The following MYT1L variants were observed in gnomAD, a reference collection of about 807,000 sequenced individuals.
MYT1L encodes myelin transcription factor 1 like.
MYT1L carries 12 observed loss-of-function variants against 126.7 expected under a neutral mutation model. The observed-to-expected ratio is 0.09, with a 90% CI of 0.06 to 0.15. The LOEUF is 0.15. Ranked by LOEUF, MYT1L falls within the 10% of genes least tolerant of loss-of-function variation. MYT1L has a pLI of 1.00. For synonymous variants in MYT1L, 541 were observed against 604.2 expected (o/e 0.90, Z 1.53); for missense variants, 979 against 1,585.2 (o/e 0.62, Z 6.49).
intron 10 of MYT1L, among the ~76,000 whole-genome samples, chr2:1,921,487 G>A (rs1284819831): frequency 3.3e-5 from 5 of 152,086 alleles, no homozygotes; most frequent in African/African-American, 1.2e-4. Flanking sequence ...ATTGACATAT[G>A]CAAACATGTG....
chr2:1,882,759 C>G (rs1161866155), intron 18 of MYT1L, among the ~76,000 whole-genome samples: 1 of 152,188 alleles, frequency 6.6e-6, no homozygotes. Flanking sequence ...ACATCTCCCT[C>G]CAGGAGAGCC....
rs2092203568 is a variant in MYT1L, at chr2:2,186,401, A to T, written c.-420-13413T>A. Among the ~76,000 whole-genome samples, 5 of 152,316 alleles carry T rather than the reference A, an allele frequency of 3.3e-5. No individual in the cohort carries two copies. In the South Asian group the frequency reaches 1.0e-3, roughly 32 times the overall value. ...GGTTAACTGTAGTCCCGCACTGTTA[A>T]TGTTTTTCGTTTTTTGAAGCCAAGA... On this transcript the variant is annotated intron_variant, in intron 2 of 24. Transcript: ENST00000647738.
intron 2 of MYT1L, among the ~76,000 whole-genome samples, chr2:2,178,253 C>T (rs926482115): frequency 6.6e-6 from 1 of 151,750 alleles, no homozygotes; most frequent in Admixed American, 6.6e-5. Flanking sequence ...ATTTACACTC[C>T]CAAAGTCACG....
rs138442872 is a variant in MYT1L, at chr2:2,016,531, G to T, written c.-157-19184C>A. ...AGCCAGACAATTCCTCAGAGGTCCA[G>T]GATTCTGTAGAAATAACCAGGAATC... On this transcript the variant is annotated intron_variant, in intron 4 of 24. Transcript: ENST00000647738. Among the ~76,000 whole-genome samples, 974 of 152,306 alleles carry T rather than the reference G, an allele frequency of 6.4e-3. 13 individuals carry two copies. The highest frequency in any genetic ancestry group is 0.022 in the African/African-American group (916 of 41,552).
chr2:2,175,016 C>T (rs1302405346), intron 2 of MYT1L, among the ~76,000 whole-genome samples: 1 of 152,110 alleles, frequency 6.6e-6, no homozygotes, highest in East Asian at 1.9e-4. Context: ...GTGTGGTGCT[C>T]TCCTTGTGAG....
chr2:1,934,107 T>C (rs1375666313), intron 9 of MYT1L, among the ~76,000 whole-genome samples: 1 of 150,850 alleles, frequency 6.6e-6, no homozygotes, highest in East Asian at 2.0e-4. Context: ...CTGGAGTAGC[T>C]GGGACTACAG....
At chr2:1,822,277 AGTGGGT>A (rs1421925008) in intron 21 of MYT1L, among the ~76,000 whole-genome samples, 10 of 152,038 alleles carry the variant, frequency 6.6e-5, no homozygotes. Flanking sequence ...ATAAGAGGAG[AGTGGGT>A]CATTTTAGTA....
At chr2:2,090,082 T>C (rs1187708582) in intron 3 of MYT1L, among the ~76,000 whole-genome samples, 1 of 152,198 alleles carries the variant, frequency 6.6e-6, no homozygotes, top group Non-Finnish European at 1.5e-5. Context: ...CCATTATTCA[T>C]GGGAGTCACA....
intron 8 of MYT1L, among the ~76,000 whole-genome samples, chr2:1,973,634 A>T (rs751231829): frequency 6.6e-6 from 1 of 152,242 alleles, no homozygotes; most frequent in Non-Finnish European, 1.5e-5. Context: ...TTTAGCAGGT[A>T]CTTGAGCCCC....
At chr2:2,165,101 G>A (rs1394384621) in intron 3 of MYT1L, among the ~76,000 whole-genome samples, 3 of 152,208 alleles carry the variant, frequency 2.0e-5, no homozygotes, top group African/African-American at 7.2e-5. Flanking sequence ...AGGGGCACCA[G>A]AAGTGGAGCT....
intron 2 of MYT1L, among the ~76,000 whole-genome samples, chr2:2,233,483 C>T (rs899968076): frequency 6.6e-6 from 1 of 152,168 alleles, no homozygotes; most frequent in African/African-American, 2.4e-5. Context: ...GCTCTGGCTC[C>T]TGAGGGGTCT....
intron 23 of MYT1L, among the ~76,000 whole-genome samples, chr2:1,794,774 G>T (rs569997734): frequency 6.6e-6 from 1 of 152,302 alleles, no homozygotes. Context: ...GGGTGGCGGG[G>T]CTCCCATGCT....
At chr2:2,311,421 G>A (rs1278245757) in intron 1 of MYT1L, among the ~76,000 whole-genome samples, 1 of 152,168 alleles carries the variant, frequency 6.6e-6, no homozygotes, top group African/African-American at 2.4e-5. Context: ...ATCTAACTTG[G>A]AAAGAGATCC....
At chr2:2,027,093 C>T (rs895985924) in intron 4 of MYT1L, among the ~76,000 whole-genome samples, 5 of 152,202 alleles carry the variant, frequency 3.3e-5, no homozygotes, top group African/African-American at 7.2e-5. Flanking sequence ...GAGCCGTGCA[C>T]AGCTGCCTCA....
At chr2:2,140,105 A>G (rs1337173249) in intron 3 of MYT1L, among the ~76,000 whole-genome samples, 1 of 152,210 alleles carries the variant, frequency 6.6e-6, no homozygotes, top group Non-Finnish European at 1.5e-5. Context: ...ACACATGTAT[A>G]TCGGCAGATT....
intron 11 of MYT1L, among the ~76,000 whole-genome samples, chr2:1,914,776 C>T (rs568754928): frequency 5.9e-5 from 9 of 152,334 alleles, no homozygotes; most frequent in Non-Finnish European, 1.2e-4. Flanking sequence ...TGCTGCCCTC[C>T]ACAGCCTGCC....
Position 1,793,217 on chromosome 2 carries a change from CCCTT to C in MYT1L, c.3277-757_3277-754del, listed in dbSNP as rs1255459557. Among the ~76,000 whole-genome samples, 1 of 152,232 alleles carries C rather than the reference CCCTT, an allele frequency of 6.6e-6. No individual in the cohort carries two copies. Among genetic ancestry groups the C allele is most frequent in the Non-Finnish European group, 1.5e-5 (1 of 68,046 alleles). ...TCTAAGGAAAAAGGCCCACCACGGA[CCCTT>C]CCTCGCATATTCCAGAGATAATTTA... On this transcript the variant is annotated intron_variant, in intron 23 of 24. Transcript: ENST00000647738. This position sits in a 1 kb window ranked among gnomAD's most constrained non-coding sequence, Gnocchi z 4.6.
intron 2 of MYT1L, among the ~76,000 whole-genome samples, chr2:2,237,450 T>C (rs755653604): frequency 3.2e-4 from 49 of 152,344 alleles, no homozygotes; most frequent in Non-Finnish European, 5.3e-4. Context: ...GGATAGAGAA[T>C]GGCAGTATGA....
At chr2:1,963,095 C>A (rs1372218982) in intron 8 of MYT1L, among the ~76,000 whole-genome samples, 1 of 152,188 alleles carries the variant, frequency 6.6e-6, no homozygotes, top group Non-Finnish European at 1.5e-5. Flanking sequence ...GCTCGAAAGT[C>A]AAAATTAATC....
Sources: gnomAD v4.1 joint callset for allele counts (sites outside exome capture counted in the v4.1 genomes callset) on GRCh38, gnomAD v4.1.1 for gene constraint, Gnocchi (gnomAD v3.1) non-coding constraint, MANE v1.5 for transcripts, NCBI Gene and HGNC (gene_info 2026-07-23, HGNC 2026-07-21) for gene names.